The following AP1S3 variants were observed in gnomAD, a reference collection of about 807,000 sequenced individuals.
The protein encoded by AP1S3 is AP-1 complex subunit sigma-3.
AP1S3 carries 10 observed loss-of-function variants against 20.9 expected under a neutral mutation model. The observed-to-expected ratio is 0.48, with a 90% CI of 0.29 to 0.81. The LOEUF is 0.81. Among genes scored for constraint, AP1S3 ranks in the 30% least tolerant of loss-of-function variants. The probability of loss-of-function intolerance (pLI) is 0.08; values close to 1 mark genes in which losing one functional copy is unlikely to be tolerated. For missense variants in AP1S3, 154 were observed against 183.8 expected (o/e 0.84, Z 0.94); for synonymous variants, 41 against 61.5 (o/e 0.67, Z 1.56).
At position 223,800,230 on chromosome 2, in the gene AP1S3, G is replaced by GA. The variant is rs764048681; in HGVS notation, c.4-22362dup. Among the ~76,000 whole-genome samples the GA allele has an allele frequency of 2.4e-4, 34 of 143,266 alleles. 1 individual carries two copies. In the South Asian group the frequency reaches 7.4e-3, roughly 31 times the overall value. The allele number at this position is 143,266 out of a possible 152,430, so 94.0% of individuals were successfully genotyped here. Reference sequence around the variant, plus strand: ...ATTGCGTCTAAAAAAAAAAAAAAAAGAAAAAAAATCAATCAATGTAGTCCA... The same window carrying GA: ...ATTGCGTCTAAAAAAAAAAAAAAAAGAAAAAAAAATCAATCAATGTAGTCCA... On this transcript the variant is annotated intron_variant, in intron 1 of 4. Coordinates refer to ENST00000396654, the MANE Select transcript of AP1S3 (RefSeq NM_001039569.2).
rs373959648 is a variant in AP1S3, at chr2:223,790,233, CT to C, written c.4-12365del. On this transcript the variant is annotated intron_variant, in intron 1 of 4. Transcript: ENST00000396654. ...ACAAAGAAAAGAAATTGCCTCCAGT[CT>C]TTTTTTTTTTTTTTTGAGAAAGAGT... 3.0e-3 allele frequency among the ~76,000 whole-genome samples: 421 copies of C among 140,880 alleles called. 1 individual carries two copies. The highest frequency in any genetic ancestry group is 9.1e-3 in the East Asian group (44 of 4,848). The allele number at this position is 140,880 out of a possible 152,430, so 92.4% of individuals were successfully genotyped here. A position where few individuals can be genotyped will look rare whatever the true frequency, so the allele number is the denominator to read the frequency against.
chr2:223,792,254 T>C (rs1368598238), intron 1 of AP1S3, among the ~76,000 whole-genome samples: 2 of 152,062 alleles, frequency 1.3e-5, no homozygotes, highest in Non-Finnish European at 2.9e-5. Flanking sequence ...ACTACAAGGC[T>C]ACTACTTTGA....
chr2:223,774,587 G>A lies in AP1S3; in HGVS notation c.291+1314C>T, dbSNP rs139368223. Among the ~76,000 whole-genome samples the A allele has an allele frequency of 7.9e-5, 12 of 152,082 alleles. No homozygotes were observed. The East Asian group carries it at 1.7e-3, about 22-fold the overall frequency. On this transcript the variant is annotated intron_variant, in intron 3 of 4. Transcript: ENST00000396654. ...ATGGTAACTAATAGGGCAAGAGGGC[G>A]AACAGAGAAAAGCTCAGAGGCATAA...
At chr2:223,805,871 G>C (rs919024598) in intron 1 of AP1S3, among the ~76,000 whole-genome samples, 1 of 152,086 alleles carries the variant, frequency 6.6e-6, no homozygotes, top group Non-Finnish European at 1.5e-5. Flanking sequence ...ATTTGAATAT[G>C]TTCTGTGCCT....
At chr2:223,780,276 AATATAT>A (rs138804582) in intron 1 of AP1S3, among the ~76,000 whole-genome samples, 311 of 24,188 alleles carry the variant, frequency 0.013, 2 homozygotes, top group African/African-American at 0.013. Context: ...ATGCCTGGCT[AATATAT>A]ATATATATAT....
At chr2:223,771,097 G>A (rs1220142405) in intron 3 of AP1S3, among the ~76,000 whole-genome samples, 1 of 151,968 alleles carries the variant, frequency 6.6e-6, no homozygotes, top group Non-Finnish European at 1.5e-5. Flanking sequence ...CACTTTGGGG[G>A]GGCTGAGGCG....
At chr2:223,825,024 C>T (rs16865242) in intron 1 of AP1S3, among the ~76,000 whole-genome samples, 24,589 of 151,732 alleles carry the variant, frequency 0.16, 2,559 homozygotes, top group East Asian at 0.41. Flanking sequence ...GAAAACAGTT[C>T]CTCGGCCGGG....
intron 4 of AP1S3, 151 bp from the exon 5 acceptor site, chr2:223,758,901 A>G (rs1690286325): frequency 1.5e-6 from 1 of 669,968 alleles, no homozygotes. Context: ...CATTCTAATC[A>G]AAGTTTGAGT....
chr2:223,772,031 C>T (rs146745900), intron 3 of AP1S3, among the ~76,000 whole-genome samples: 1 of 152,126 alleles, frequency 6.6e-6, no homozygotes, highest in Admixed American at 6.5e-5. Flanking sequence ...CGCTTGAACC[C>T]GGGAGGCGGA....
intron 3 of AP1S3, among the ~76,000 whole-genome samples, chr2:223,775,690 A>G (rs1690767250): frequency 6.6e-6 from 1 of 152,146 alleles, no homozygotes; most frequent in Admixed American, 6.6e-5. Flanking sequence ...AAAAAGAAAA[A>G]AGGAAAGCTT....
At chr2:223,763,967 G>A (rs1231921954) in intron 4 of AP1S3, among the ~76,000 whole-genome samples, 2 of 152,118 alleles carry the variant, frequency 1.3e-5, no homozygotes, top group African/African-American at 4.8e-5. Context: ...TGTCACCCAG[G>A]TGGTGCTGTG....
Position 223,833,836 on chromosome 2 carries a change from A to G in AP1S3, c.3+3612T>C, listed in dbSNP as rs1465949417. The stretch of plus-strand genomic sequence containing the variant: ...CGCATTCACTTATGGTACCTGTTAA[A>G]CTCCGGGACAGTGATTATGAAACTT... On this transcript the variant is annotated intron_variant, in intron 1 of 4. Transcript: ENST00000396654. Among the ~76,000 whole-genome samples, 3 of 152,080 alleles carry G rather than the reference A, an allele frequency of 2.0e-5. No homozygotes were observed. In the East Asian group the frequency reaches 5.8e-4, roughly 29 times the overall value.
At chr2:223,833,978 G>A (rs1466673654) in intron 1 of AP1S3, among the ~76,000 whole-genome samples, 1 of 151,754 alleles carries the variant, frequency 6.6e-6, no homozygotes, top group Non-Finnish European at 1.5e-5. Flanking sequence ...GCACGATCTT[G>A]GCTCACCACA....
intron 1 of AP1S3, among the ~76,000 whole-genome samples, chr2:223,794,773 C>T (rs948013134): frequency 2.6e-5 from 4 of 152,182 alleles, no homozygotes; most frequent in East Asian, 1.9e-4. Flanking sequence ...AGCCACAAGA[C>T]TATCTTTCCA....
intron 1 of AP1S3, among the ~76,000 whole-genome samples, chr2:223,832,936 CA>C (rs938166172): frequency 1.7e-5 from 2 of 121,194 alleles, no homozygotes. Context: ...ATCGTACACC[CA>C]AAAAAAATCC....
chr2:223,827,482 A>C (rs571653127), intron 1 of AP1S3, among the ~76,000 whole-genome samples: 4 of 152,114 alleles, frequency 2.6e-5, no homozygotes, highest in African/African-American at 7.2e-5. Flanking sequence ...TCCTAGGTTC[A>C]AGCTATTCTC....
At chr2:223,807,334 TG>T (rs1157786117) in intron 1 of AP1S3, among the ~76,000 whole-genome samples, 1 of 152,030 alleles carries the variant, frequency 6.6e-6, no homozygotes, top group Non-Finnish European at 1.5e-5. Flanking sequence ...AGGGAAGAAC[TG>T]GGCTTTCTGG....
At chr2:223,785,738 G>T (rs1691056324) in intron 1 of AP1S3, among the ~76,000 whole-genome samples, 1 of 152,216 alleles carries the variant, frequency 6.6e-6, no homozygotes. Flanking sequence ...GGCTGCCAGT[G>T]GCTGTGGCAG....
intron 1 of AP1S3, among the ~76,000 whole-genome samples, chr2:223,796,627 C>T (rs908719494): frequency 6.6e-6 from 1 of 152,056 alleles, no homozygotes; most frequent in African/African-American, 2.4e-5. Context: ...CTTCAGGGTT[C>T]CCCATTTTTT....
Sources: gnomAD v4.1 joint callset for allele counts (sites outside exome capture counted in the v4.1 genomes callset) on GRCh38, gnomAD v4.1.1 for gene constraint, MANE v1.5 for transcripts, NCBI Gene and HGNC (gene_info 2026-07-23, HGNC 2026-07-21) for gene names.